Variants in ILRUN observed in about 807,000 individuals in gnomAD.
ILRUN encodes inflammation and lipid regulator with UBA-like and NBR1-like domains.
ILRUN carries 3 observed loss-of-function variants against 33.8 expected under a neutral mutation model. That is an observed-to-expected ratio of 0.09 (90% confidence interval 0.04 to 0.23). The LOEUF (loss-of-function observed/expected upper bound fraction) is 0.23. Ranked by LOEUF, ILRUN falls within the 10% of genes least tolerant of loss-of-function variation. The pLI is 1.00. For missense variants in ILRUN, 210 were observed against 375.1 expected (o/e 0.56, Z 3.64); for synonymous variants, 124 against 138.9 (o/e 0.89, Z 0.75).
intron 3 of ILRUN, among the ~76,000 whole-genome samples, chr6:34,626,511 A>G (rs1345729283): frequency 6.6e-6 from 1 of 152,216 alleles, no homozygotes; most frequent in Non-Finnish European, 1.5e-5. Context: ...TTAGGTTCAC[A>G]GCAAAACCAA....
chr6:34,679,584 A>C (rs570741236), intron 1 of ILRUN, among the ~76,000 whole-genome samples: 1 of 152,248 alleles, frequency 6.6e-6, no homozygotes, highest in Non-Finnish European at 1.5e-5. Context: ...ATATTTATTA[A>C]GACTGGGAAA....
chr6:34,642,816 C>T (rs1466649583), intron 3 of ILRUN, among the ~76,000 whole-genome samples: 2 of 121,846 alleles, frequency 1.6e-5, no homozygotes, highest in African/African-American at 3.2e-5. Flanking sequence ...AGGGAGGTCC[C>T]GTCTCTACCA....
intron 1 of ILRUN, among the ~76,000 whole-genome samples, chr6:34,657,942 A>G (rs1762808860): frequency 6.6e-6 from 1 of 152,254 alleles, no homozygotes; most frequent in Admixed American, 6.5e-5. Context: ...TTAAACCTCC[A>G]GATTCCTTCA....
chr6:34,606,960 T>G, intron 3 of ILRUN, 56 bp from the exon 4 acceptor site: 2 of 1,337,834 alleles, frequency 1.5e-6, no homozygotes, highest in Non-Finnish European at 2.1e-6. Context: ...AGGCCCAAGA[T>G]AGCCACCACC....
At chr6:34,595,637 A>G (rs1027585498) in intron 4 of ILRUN, 11 of 454,492 alleles carry the variant, frequency 2.4e-5, no homozygotes, top group African/African-American at 1.7e-4. Flanking sequence ...TGTCTCATTG[A>G]GAGATTTTTG....
At chr6:34,683,515 CATATATATAT>C (rs1554189889) in intron 1 of ILRUN, among the ~76,000 whole-genome samples, 1 of 76,326 alleles carries the variant, frequency 1.3e-5, no homozygotes, top group African/African-American at 7.5e-5. Flanking sequence ...TATATATATA[CATATATATAT>C]ATACATATTG....
chr6:34,637,864 C>CTGCTGCTGCTGTTGTTGT (rs749114775), intron 3 of ILRUN, among the ~76,000 whole-genome samples: 137 of 142,018 alleles, frequency 9.6e-4, no homozygotes, highest in Middle Eastern at 3.5e-3. Flanking sequence ...GCTGCTGCTG[C>CTGCTGCTGCTGTTGTTGT]TGTTGTTGTT....
chr6:34,667,135 T>C (rs1294009510), intron 1 of ILRUN, among the ~76,000 whole-genome samples: 1 of 152,200 alleles, frequency 6.6e-6, no homozygotes, highest in African/African-American at 2.4e-5. Context: ...GATTCTTCCT[T>C]GAAGAAAGTT....
intron 1 of ILRUN, among the ~76,000 whole-genome samples, chr6:34,684,527 A>G (rs1045071922): frequency 2.6e-5 from 4 of 152,166 alleles, no homozygotes; most frequent in African/African-American, 7.2e-5. Flanking sequence ...CTGAGCACCT[A>G]TGTACAAAGT....
chr6:34,678,229 C>CGG (rs1227524379), intron 1 of ILRUN, among the ~76,000 whole-genome samples: 1 of 152,014 alleles, frequency 6.6e-6, no homozygotes, highest in African/African-American at 2.4e-5. Flanking sequence ...TTAGTAGAGA[C>CGG]GGGGTTTCAC....
intron 3 of ILRUN, among the ~76,000 whole-genome samples, chr6:34,635,996 A>T (rs1762360455): frequency 6.6e-6 from 1 of 152,140 alleles, no homozygotes; most frequent in African/African-American, 2.4e-5. Flanking sequence ...ACTGGTTCAC[A>T]TCTGTATTCC....
chr6:34,597,492 TTC>T (rs1761425084), intron 4 of ILRUN, among the ~76,000 whole-genome samples: 1 of 152,208 alleles, frequency 6.6e-6, no homozygotes, highest in Non-Finnish European at 1.5e-5. Flanking sequence ...TGGTCCAGCT[TTC>T]TCTCAGAATT....
chr6:34,635,576 G>A (rs1054671747), intron 3 of ILRUN, among the ~76,000 whole-genome samples: 5 of 147,980 alleles, frequency 3.4e-5, no homozygotes, highest in African/African-American at 5.0e-5. Context: ...AGGGAGGGAG[G>A]GAGGGAGGGA....
At chr6:34,601,911 T>TAAGCACAAA (rs1761517613) in intron 4 of ILRUN, among the ~76,000 whole-genome samples, 2 of 151,900 alleles carry the variant, frequency 1.3e-5, no homozygotes, top group Admixed American at 1.3e-4. Flanking sequence ...GGGAAGAGAA[T>TAAGCACAAA]AAGCACAAAA....
At chr6:34,657,934 AAAC>A (rs1223084260) in intron 1 of ILRUN, among the ~76,000 whole-genome samples, 3 of 152,264 alleles carry the variant, frequency 2.0e-5, no homozygotes, top group African/African-American at 7.2e-5. Context: ...CTGAAAGTTT[AAAC>A]CTCCAGATTC....
intron 3 of ILRUN, among the ~76,000 whole-genome samples, chr6:34,637,843 T>TTGCTGCTGCTGC (rs1203721482): frequency 7.3e-4 from 103 of 141,344 alleles, no homozygotes; most frequent in African/African-American, 2.6e-3. Context: ...GCTGTTGTTG[T>TTGCTGCTGCTGC]TGCTGCTGCT....
intron 1 of ILRUN, 70 bp from the exon 2 acceptor site, chr6:34,654,849 G>A (rs2127365907): frequency 7.0e-7 from 1 of 1,424,336 alleles, no homozygotes; most frequent in Non-Finnish European, 9.4e-7. Flanking sequence ...TAAACAAAAG[G>A]AAAAAGCCTG....
intron 1 of ILRUN, among the ~76,000 whole-genome samples, chr6:34,666,731 C>T (rs1416787810): frequency 6.6e-6 from 1 of 152,112 alleles, no homozygotes. Flanking sequence ...TGAGAGAATG[C>T]TATCATTTTT....
At chr6:34,672,963 C>A (rs776008099) in intron 1 of ILRUN, among the ~76,000 whole-genome samples, 4 of 152,012 alleles carry the variant, frequency 2.6e-5, no homozygotes, top group Non-Finnish European at 5.9e-5. Flanking sequence ...GCAAAGTTAC[C>A]AAAAGTTTTC....
Sources: allele counts gnomAD v4.1 joint callset (sites outside exome capture counted in the v4.1 genomes callset), GRCh38; gene constraint gnomAD v4.1.1; transcripts MANE v1.5; gene names NCBI Gene and HGNC (gene_info 2026-07-23, HGNC 2026-07-21).